Variants in DNAH17 observed in about 807,000 individuals in gnomAD.
DNAH17 encodes the protein dynein axonemal heavy chain 17.
In DNAH17, 376 loss-of-function variants were observed where a neutral mutation model predicts 485.6. The ratio of observed to expected loss-of-function variants is 0.77; its 90% CI spans 0.71 to 0.84. DNAH17 has a LOEUF of 0.84. DNAH17 is among the 40% of genes least tolerant of loss of function. DNAH17 has a pLI of 0.00. For synonymous variants in DNAH17, 3,031 were observed against 2,405.9 expected (o/e 1.26, Z -7.60); for missense variants, 6,370 against 5,839.3 (o/e 1.09, Z -2.96).
Position 78,485,018 on chromosome 17 carries a change from G to T in DNAH17, c.7499C>A (p.Pro2500Gln), listed in dbSNP as rs543665808. Residue 2500 changes from proline to glutamine, a missense_variant, in exon 48 of 81, where the codon CCG becomes CAG. Transcript: ENST00000389840. ...GTTCCTCCCCGATTTCTTCTCCAGC[G>T]GCTTCTCCAGCACCCCTAGAGAGGG... ...SAMLQGVLEK[P>Q]LEKKSGRNYG... is the part of the protein sequence containing the mutation. 2 of 1,610,886 alleles carry T rather than the reference G, an allele frequency of 1.2e-6. No homozygotes were observed. The highest frequency in any genetic ancestry group is 1.1e-5 in the South Asian group (1 of 90,502).
At chr17:78,516,574 C>T (rs2090786601) in intron 25 of DNAH17, among the ~76,000 whole-genome samples, 1 of 151,910 alleles carries the variant, frequency 6.6e-6, no homozygotes, top group African/African-American at 2.4e-5. Context: ...CCTGTAATCC[C>T]AGCTACTGGG....
chr17:78,487,894 G>C (rs2089681793), intron 44 of DNAH17, among the ~76,000 whole-genome samples: 1 of 152,148 alleles, frequency 6.6e-6, no homozygotes, highest in Non-Finnish European at 1.5e-5. Context: ...TCACAAGAGA[G>C]AATTAAGAGC....
intron 52 of DNAH17, 107 bp downstream of exon 52, chr17:78,476,465 C>T (rs569066749): frequency 2.3e-6 from 3 of 1,324,752 alleles, no homozygotes; most frequent in South Asian, 1.5e-5. Flanking sequence ...CTTCCCACCC[C>T]CAACAAAGGG....
Position 78,537,615 on chromosome 17 carries a change from G to A in DNAH17, c.2677-134C>T, listed in dbSNP as rs1173016619. ...TTATCTGGGAAGCTTCTGAGAGCTC[G>A]TGTCTCAGCGCACCCCGCTCCTTGA... On this transcript the variant is annotated intron_variant, in intron 18 of 80. Transcript: ENST00000389840. The A allele has an allele frequency of 7.6e-6, 8 of 1,053,798 alleles. No individual in the cohort carries two copies. In the East Asian group the frequency reaches 7.8e-5, roughly 10 times the overall value. 65.3% of individuals were successfully genotyped at this position (1,053,798 alleles called of 1,614,324 possible). A position where few individuals can be genotyped will look rare whatever the true frequency, so the allele number is the denominator to read the frequency against.
At chr17:78,461,111 C>T (rs1211652537) in intron 58 of DNAH17, among the ~76,000 whole-genome samples, 2 of 151,332 alleles carry the variant, frequency 1.3e-5, no homozygotes, top group Non-Finnish European at 2.9e-5. Context: ...CAGTAACGTC[C>T]TACCCTCTCG....
chr17:78,475,843 GAAAAAA>G lies in DNAH17; in HGVS notation c.8155-16_8155-11del. On this transcript the variant is annotated splice_polypyrimidine_tract_variant and intron_variant, in intron 52 of 80. Coordinates refer to ENST00000389840, the MANE Select transcript of DNAH17 (RefSeq NM_173628.4). ...GTTCATCACCAAGATCCTAGAAAAA[GAAAAAA>G]AAAGACGATACTTCCGGTTTTTGCC... The G allele has an allele frequency of 6.3e-7, 1 of 1,580,846 alleles. No homozygotes were observed.
In DNAH17 at chr17:78,437,691, G is replaced by A. The variant is rs777760265; in HGVS notation, c.11983C>T (p.Pro3995Ser). 3 of 1,612,282 alleles carry A rather than the reference G, an allele frequency of 1.9e-6. No individual in the cohort carries two copies. In the South Asian group the frequency reaches 3.3e-5, roughly 18 times the overall value. ...TGCAAGTTGGCGTGCATGCCCGTGG[G>A]GGGCTCGTTGGTGATCTTGATGGCG... The part of the protein sequence containing the change: ...ENAIKITNEP[P>S]TGMHANLHKA... Residue 3995 changes from proline (P) to serine (S), a missense_variant, in exon 74 of 81, where the codon CCC becomes TCC. Transcript: ENST00000389840.
At chr17:78,432,710 T>G (rs968906385) in intron 75 of DNAH17, among the ~76,000 whole-genome samples, 5 of 152,192 alleles carry the variant, frequency 3.3e-5, no homozygotes. Context: ...TGGGGCTTAG[T>G]GGCCCAGGTC....
chr17:78,548,206 T>TTTTTTTTTTTTC lies in DNAH17; in HGVS notation c.2391+3328_2391+3329insGAAAAAAAAAAA, dbSNP rs1162046918. 6.8e-4 allele frequency among the ~76,000 whole-genome samples: 87 copies of TTTTTTTTTTTTC among 127,042 alleles called. 3 individuals carry two copies. Among genetic ancestry groups the TTTTTTTTTTTTC allele is most frequent in the South Asian group, 4.9e-3 (17 of 3,486 alleles). The allele number at this position is 127,042 out of a possible 152,430, so 83.3% of individuals were successfully genotyped here. A position where few individuals can be genotyped will look rare whatever the true frequency, so the allele number is the denominator to read the frequency against. ...TTATTTCGTAGATGTCATGGCCTTTTTTTTTTTTTTTTTTTGGAGACAGAG... is the reference window on the plus strand; with the variant it reads ...TTATTTCGTAGATGTCATGGCCTTTTTTTTTTTTTTTCTTTTTTTTTTTTTTTGGAGACAGAG... On this transcript the variant is annotated intron_variant, in intron 16 of 80. Transcript: ENST00000389840.
intron 26 of DNAH17, among the ~76,000 whole-genome samples, chr17:78,512,621 C>T (rs533814570): frequency 1.5e-3 from 223 of 152,196 alleles, no homozygotes; most frequent in Non-Finnish European, 2.7e-3. Flanking sequence ...GGAGTCCCAC[C>T]GCCCCCTCTA....
chr17:78,494,915 C>G, intron 39 of DNAH17, 44 bp downstream of exon 39: 1 of 1,590,368 alleles, frequency 6.3e-7, no homozygotes, highest in Non-Finnish European at 8.6e-7. Flanking sequence ...GCCCGCATCT[C>G]AAACTCCCAC....
Position 78,505,438 on chromosome 17 carries a change from C to G in DNAH17, c.4811G>C (p.Arg1604Pro). 1 of 1,613,888 alleles carries G rather than the reference C, an allele frequency of 6.2e-7. No individual in the cohort carries two copies. The highest frequency in any genetic ancestry group is 8.5e-7 in the Non-Finnish European group (1 of 1,179,864). Reference protein sequence around the residue: ...SNGNDPVEVSRHLSKLFDSLC... With the variant: ...SNGNDPVEVSPHLSKLFDSLC... ...GCTATCGAAGAGTTTGGACAGGTGG[C>G]GGCTCACCTGGGAGGAGGCAAGAAG... The change falls in exon 31 of 81, where the codon CGC (arginine) becomes CCC (proline). Residue 1604 changes from arginine (R) to proline (P), a missense_variant. Transcript: ENST00000389840.
rs757805660 is a variant in DNAH17, at chr17:78,449,515, T to C, written c.11110A>G (p.Ile3704Val). The C allele has an allele frequency of 6.3e-7, 1 of 1,595,060 alleles. No homozygotes were observed. Among genetic ancestry groups the C allele is most frequent in the Non-Finnish European group, 8.5e-7 (1 of 1,170,874 alleles). Residue 3704 changes from isoleucine to valine, a missense_variant, in exon 69 of 81, where the codon ATC (isoleucine) becomes GTC (valine). Transcript: ENST00000389840. ...TAGGTGATCTCGTCCGTCAGGTTGA[T>C]CACCCGCTGCTTCACCTCGTTGGCA... Reference protein sequence around the residue: ...TPANEVKQRVINLTDEITYSV... With the variant: ...TPANEVKQRVVNLTDEITYSV...
chr17:78,475,352 G>A lies in DNAH17; in HGVS notation c.8437C>T (p.Leu2813=), dbSNP rs1286828085. ...GGSGKQSLSR[L]AAYISGLDVF... ...TCAAGCCCGCTGATGTACGCTGCCA[G>A]GCGGGAGAGGCTCTGTTTGCCACTG... Residue 2813 remains leucine, a synonymous_variant, in exon 54 of 81, where the codon CTG becomes TTG. Coordinates refer to ENST00000389840, the MANE Select transcript of DNAH17 (RefSeq NM_173628.4). 6.2e-7 allele frequency: 1 copy of A among 1,614,018 alleles called. No homozygotes were observed. The highest frequency in any genetic ancestry group is 2.2e-5 in the East Asian group (1 of 44,888).
In DNAH17 at chr17:78,539,967, C is replaced by T. The variant is rs114104422; in HGVS notation, c.2533-87G>A. 3.3e-4 allele frequency: 446 copies of T among 1,334,168 alleles called. 1 individual carries two copies. The African/African-American group carries it at 6.1e-3, about 18-fold the overall frequency. 82.6% of individuals were successfully genotyped at this position (1,334,168 alleles called of 1,614,324 possible). On this transcript the variant is annotated intron_variant, in intron 17 of 80. Transcript: ENST00000389840. The stretch of plus-strand genomic sequence containing the variant: ...CTGTTTAGTGCCTCTCTGGACCGCC[C>T]GTCCATGTTCACACGCCGGACACAC...
chr17:78,536,670 G>A (rs1056169678), intron 19 of DNAH17, among the ~76,000 whole-genome samples: 1 of 151,994 alleles, frequency 6.6e-6, no homozygotes, highest in Non-Finnish European at 1.5e-5. Flanking sequence ...GACAGAGTGA[G>A]ACCTTGTCTC....
chr17:78,476,539 G>C, intron 52 of DNAH17, 33 bp downstream of exon 52: 1 of 1,589,406 alleles, frequency 6.3e-7, no homozygotes, highest in Non-Finnish European at 8.6e-7. Flanking sequence ...AGCCATTCTG[G>C]GCTCGGCAGA....
intron 62 of DNAH17, among the ~76,000 whole-genome samples, chr17:78,456,426 G>A (rs1284542522): frequency 6.6e-6 from 1 of 152,184 alleles, no homozygotes; most frequent in African/African-American, 2.4e-5. Context: ...ACCCGGCTAT[G>A]GCTGATGCCA....
chr17:78,427,569 AAG>A (rs1568036027), intron 77 of DNAH17, among the ~76,000 whole-genome samples: 1 of 152,224 alleles, frequency 6.6e-6, no homozygotes, highest in East Asian at 1.9e-4. Flanking sequence ...TCATTAGACT[AAG>A]AGAAAGTCCT....
Sources: allele counts gnomAD v4.1 joint callset (sites outside exome capture counted in the v4.1 genomes callset), GRCh38; gene constraint gnomAD v4.1.1; transcripts MANE v1.5; gene names NCBI Gene and HGNC (gene_info 2026-07-23, HGNC 2026-07-21).